The following SRP19 variants were observed in gnomAD, a reference collection of about 807,000 sequenced individuals.
SRP19 encodes signal recognition particle 19 kDa protein.
Under a neutral mutation model 22.4 loss-of-function variants are expected in SRP19, and 11 were observed. That is an observed-to-expected ratio of 0.49 (90% confidence interval 0.31 to 0.81). SRP19 has a LOEUF of 0.81. Among genes scored for constraint, SRP19 ranks in the 40% least tolerant of loss-of-function variants. The pLI is 0.05. For missense variants in SRP19, 168 were observed against 175.9 expected, an observed-to-expected ratio of 0.96 and a Z score of 0.25; for synonymous variants, 61 against 57.6, an observed-to-expected ratio of 1.06 and a Z score of -0.27.
At chr5:112,879,345 GC>G (rs1767998801) in intron 4 of SRP19, among the ~76,000 whole-genome samples, 14 of 128,840 alleles carry the variant, frequency 1.1e-4, no homozygotes, top group African/African-American at 2.8e-5. Flanking sequence ...GGCTGGGGGG[GC>G]GGTGGGGGAG....
downstream of SRP19, chr5:112,894,551 A>G (rs772905669): frequency 2.0e-5 from 3 of 152,250 alleles, no homozygotes; most frequent in African/African-American, 7.2e-5. Context: ...TTTTGACAGA[A>G]TATCAGAATC....
intron 4 of SRP19, chr5:112,885,452 C>T (rs1768214120): frequency 5.1e-6 from 1 of 194,432 alleles, no homozygotes; most frequent in South Asian, 1.0e-4. Flanking sequence ...GAAGAGGAGG[C>T]GAAAGCCAAG....
At chr5:112,876,900 T>C (rs1265968890) in intron 4 of SRP19, 1 of 152,224 alleles carries the variant, frequency 6.6e-6, no homozygotes, top group Non-Finnish European at 1.5e-5. Context: ...TTATGAGCAA[T>C]AGTAACTTTT....
chr5:112,865,153 A>T (rs946930470), intron 4 of SRP19: 8 of 154,062 alleles, frequency 5.2e-5, no homozygotes, highest in African/African-American at 1.9e-4. Context: ...CAAGAGATAT[A>T]CATAGTGTGG....
At chr5:112,895,740 C>T (rs1768662270), downstream of SRP19, 1 of 152,228 alleles carries the variant, frequency 6.6e-6, no homozygotes. Flanking sequence ...TTACAACCCT[C>T]TCTTCTTAAT....
chr5:112,879,331 G>C lies in SRP19; in HGVS notation c.302-12272G>C, dbSNP rs1167091833. Reference sequence around the variant, plus strand: ...ATCCCTTGATATATGTGTTTGGGGGGGGGGGCTGGGGGGGCGGTGGGGGAG... The same window carrying C: ...ATCCCTTGATATATGTGTTTGGGGGCGGGGGCTGGGGGGGCGGTGGGGGAG... On this transcript the variant is annotated intron_variant, in intron 4 of 4. Coordinates refer to the SRP19 transcript ENST00000391338. 1.9e-4 allele frequency among the ~76,000 whole-genome samples: 28 copies of C among 151,308 alleles called. No homozygotes were observed. In the East Asian group the frequency reaches 3.1e-3, roughly 17 times the overall value.
rs1406780126 is a variant in SRP19 at position 112,862,543 on chromosome 5, A to C, written c.77A>C (p.Lys26Thr). 6.2e-7 allele frequency: 1 copy of C among 1,613,898 alleles called. No homozygotes were observed. The highest frequency in any genetic ancestry group is 1.3e-5 in the African/African-American group (1 of 74,940). ...ICIYPAYLNNKKTIAEGRRIP... is the reference protein window; with the variant it reads ...ICIYPAYLNNTKTIAEGRRIP... ...ATCTATCCTGCTTATTTAAATAATA[A>C]GAAGACCATCGCAGAGGGAAGGCGA... Residue 26 changes from lysine to threonine, a missense_variant, in exon 2 of 5, where the codon AAG becomes ACG. Transcript: ENST00000505459.
intron 4 of SRP19, chr5:112,887,186 G>A (rs761692699): frequency 6.3e-7 from 1 of 1,578,746 alleles, no homozygotes; most frequent in South Asian, 1.1e-5. Flanking sequence ...AAGCCACACT[G>A]CACAGAAAAA....
chr5:112,890,194 G>T (rs995096014), intron 4 of SRP19, among the ~76,000 whole-genome samples: 1 of 150,290 alleles, frequency 6.7e-6, no homozygotes, highest in Non-Finnish European at 1.5e-5. Context: ...GGAGGTTGAG[G>T]TGGGAGGGTG....
intron 4 of SRP19, among the ~76,000 whole-genome samples, chr5:112,886,840 AG>A (rs1229924025): frequency 6.6e-6 from 1 of 152,252 alleles, no homozygotes; most frequent in Non-Finnish European, 1.5e-5. Context: ...TCTTGGGAAA[AG>A]TCGAGAACTG....
chr5:112,891,167 G>T (rs1768432876), intron 4 of SRP19, among the ~76,000 whole-genome samples: 1 of 141,958 alleles, frequency 7.0e-6, no homozygotes, highest in African/African-American at 2.9e-5. Flanking sequence ...CTGCCTCCTG[G>T]GTTCAAGCAG....
chr5:112,898,153 G>A (rs901060943), exon 4 of SRP19: 4 of 152,210 alleles, frequency 2.6e-5, no homozygotes, highest in East Asian at 1.9e-4. Flanking sequence ...TAGGTAAGAT[G>A]GATTCTAGTC....
At chr5:112,870,420 G>T (rs1013149943), downstream of SRP19, among the ~76,000 whole-genome samples, 2 of 152,074 alleles carry the variant, frequency 1.3e-5, no homozygotes, top group Non-Finnish European at 2.9e-5. Flanking sequence ...AGGTGAGGCT[G>T]CAGTGAGCCG....
intron 2 of SRP19, 82 bp downstream of exon 2, chr5:112,862,665 G>T (rs1397882769): frequency 8.2e-7 from 1 of 1,213,062 alleles, no homozygotes; most frequent in East Asian, 2.5e-5. Flanking sequence ...TGTTAGAGCC[G>T]CAGGGGGTTC....
chr5:112,873,310 G>T (rs1225265946), downstream of SRP19, among the ~76,000 whole-genome samples: 18 of 36,020 alleles, frequency 5.0e-4, no homozygotes, highest in South Asian at 1.7e-3. Flanking sequence ...CCTTTATTTA[G>T]ATTTGCTCAG....
chr5:112,892,822 A>C, exon 5 of SRP19: 2 of 1,613,930 alleles, frequency 1.2e-6, no homozygotes, highest in Non-Finnish European at 1.7e-6. Context: ...CCACACCTAC[A>C]AAAGAAATGG....
intron 4 of SRP19, among the ~76,000 whole-genome samples, chr5:112,879,251 T>G (rs142376470): frequency 0.013 from 1,968 of 150,110 alleles, 52 homozygotes; most frequent in African/African-American, 0.045. Flanking sequence ...TCATCATATT[T>G]ATCCCATGGC....
intron 4 of SRP19, chr5:112,878,673 C>A: frequency 6.9e-7 from 1 of 1,445,196 alleles, no homozygotes; most frequent in Admixed American, 2.2e-5. Flanking sequence ...TTTAATATCT[C>A]AAAAATGTTT....
rs61995949 is a variant in SRP19 at position 112,892,515 on chromosome 5, T to C, written c.*908T>C. On this transcript the variant is annotated 3_prime_UTR_variant, in exon 5 of 5. Coordinates refer to the SRP19 transcript ENST00000391338. ...AATGCCAAGCAGCCCTTTCTCTGTT[T>C]AACGGACGATGGTATGCAGGACGAC... 1.6e-3 allele frequency: 2,587 copies of C among 1,614,180 alleles called. 32 individuals carry two copies. In the African/African-American group the frequency reaches 0.029, roughly 18 times the overall value.
Sources: gnomAD v4.1 joint callset for allele counts (sites outside exome capture counted in the v4.1 genomes callset) on GRCh38, gnomAD v4.1.1 for gene constraint, MANE v1.5 for transcripts, NCBI Gene and HGNC (gene_info 2026-07-23, HGNC 2026-07-21) for gene names.